Variants in RB1CC1 observed in about 807,000 individuals in gnomAD.
RB1CC1 encodes the protein RB1 inducible coiled-coil 1, also known as RB1-inducible coiled-coil protein 1.
In RB1CC1, 46 loss-of-function variants were observed where a neutral mutation model predicts 177.5. The ratio of observed to expected loss-of-function variants is 0.26; its 90% CI spans 0.20 to 0.33. The LOEUF (loss-of-function observed/expected upper bound fraction) is 0.33, where lower values mean the gene tolerates loss of function less well. Among genes scored for constraint, RB1CC1 ranks in the 10% least tolerant of loss-of-function variants. The pLI, the probability that RB1CC1 is intolerant of heterozygous loss-of-function variation, is 1.00. For synonymous variants in RB1CC1, 666 were observed against 613.6 expected (o/e 1.09, Z -1.26); for missense variants, 1,703 against 1,816.3 (o/e 0.94, Z 1.13).
chr8:52,700,253 A>G (rs1855926744), intron 1 of RB1CC1, among the ~76,000 whole-genome samples: 1 of 152,152 alleles, frequency 6.6e-6, no homozygotes. Flanking sequence ...GAAAATCAGC[A>G]ACATGCTGGG....
At chr8:52,701,650 C>T (rs538466377) in intron 1 of RB1CC1, among the ~76,000 whole-genome samples, 2 of 152,222 alleles carry the variant, frequency 1.3e-5, no homozygotes, top group African/African-American at 4.8e-5. Flanking sequence ...ACCTTGGCTT[C>T]TCCAAGTGCT....
At chr8:52,658,999 T>A in intron 12 of RB1CC1, 23 bp from the exon 13 acceptor site, 1 of 1,403,464 alleles carries the variant, frequency 7.1e-7, no homozygotes. Context: ...AATTAATTAC[T>A]TAAAAAATTT....
chr8:52,626,023 T>C (rs907266617), intron 22 of RB1CC1, among the ~76,000 whole-genome samples: 15 of 152,228 alleles, frequency 9.9e-5, no homozygotes, highest in East Asian at 5.8e-4. Context: ...CCCTGGACAA[T>C]AGGATGTGGT....
Position 52,695,946 on chromosome 8 carries a change from G to A in RB1CC1, c.-166-8979C>T, listed in dbSNP as rs916858263. 1.3e-4 allele frequency among the ~76,000 whole-genome samples: 20 copies of A among 152,220 alleles called. 1 individual carries two copies. Among genetic ancestry groups the A allele is most frequent in the African/African-American group, 3.1e-4 (13 of 41,440 alleles). On this transcript the variant is annotated intron_variant, in intron 1 of 23. Transcript: ENST00000025008. ...GGTTTGAAGTGAGGGTGGGTTCTGG[G>A]CACCGCCAAACTTGCCACTAGTACC...
At chr8:52,708,498 C>G (rs1245930645) in intron 1 of RB1CC1, among the ~76,000 whole-genome samples, 1 of 152,036 alleles carries the variant, frequency 6.6e-6, no homozygotes. Flanking sequence ...GCCTGGGCAA[C>G]AGAGCGAGAC....
chr8:52,702,409 T>G (rs1294806919), intron 1 of RB1CC1, among the ~76,000 whole-genome samples: 2 of 152,162 alleles, frequency 1.3e-5, no homozygotes, highest in African/African-American at 4.8e-5. Context: ...GGCTTTATTA[T>G]CAGGGAAAGA....
At chr8:52,628,871 T>C (rs1485705108) in intron 21 of RB1CC1, among the ~76,000 whole-genome samples, 2 of 152,182 alleles carry the variant, frequency 1.3e-5, no homozygotes, top group Non-Finnish European at 2.9e-5. Context: ...TAATAAATCA[T>C]CAAAATCAGC....
At chr8:52,693,743 T>C (rs1349546923) in intron 1 of RB1CC1, among the ~76,000 whole-genome samples, 1 of 150,906 alleles carries the variant, frequency 6.6e-6, no homozygotes, top group Non-Finnish European at 1.5e-5. Flanking sequence ...CACACGGGGG[T>C]AGGATGGGGA....
chr8:52,708,565 A>G (rs1295448489), intron 1 of RB1CC1, among the ~76,000 whole-genome samples: 6 of 152,102 alleles, frequency 3.9e-5, no homozygotes, highest in Non-Finnish European at 7.4e-5. Flanking sequence ...TTGTCCTATT[A>G]CCACTTCTGG....
intron 18 of RB1CC1, among the ~76,000 whole-genome samples, chr8:52,639,811 G>C (rs1006256469): frequency 1.3e-5 from 2 of 152,064 alleles, no homozygotes; most frequent in African/African-American, 4.8e-5. Flanking sequence ...ATACTCCACT[G>C]GGTCATGATG....
Position 52,642,961 on chromosome 8 carries a change from G to A in RB1CC1, c.3988-149C>T, listed in dbSNP as rs1007333457. On this transcript the variant is annotated intron_variant, in intron 16 of 23. Transcript: ENST00000025008. ...CATGAAATGTTTTAAAAATGAAAAT[G>A]TAACATACTGTGGCAAAGGTTCTAC... The A allele has an allele frequency of 5.6e-6, 5 of 897,320 alleles. No homozygotes were observed. The African/African-American group carries it at 7.0e-5, about 13-fold the overall frequency. The allele number at this position is 897,320 out of a possible 1,614,324, so 55.6% of individuals were successfully genotyped here. A position where few individuals can be genotyped will look rare whatever the true frequency, so the allele number is the denominator to read the frequency against.
intron 1 of RB1CC1, among the ~76,000 whole-genome samples, chr8:52,691,983 A>G (rs1032239387): frequency 3.9e-5 from 6 of 152,264 alleles, no homozygotes; most frequent in Admixed American, 6.5e-5. Context: ...GTAGCTTTAC[A>G]TGCATGACTT....
rs146718853 is a variant in RB1CC1, at chr8:52,682,360, T to C, written c.369+1189A>G. ...ACTGTTAAGTCCAATTAAACCTCTT[T>C]TTCGTCCCAGGCTCGGGTTATGTCT... is the stretch of plus-strand genomic sequence containing the variant. On this transcript the variant is annotated intron_variant, in intron 5 of 23. Transcript: ENST00000025008. Among the ~76,000 whole-genome samples the C allele has an allele frequency of 3.5e-3, 533 of 152,226 alleles. 2 individuals carry two copies. Among genetic ancestry groups the C allele is most frequent in the African/African-American group, 0.012 (511 of 41,546 alleles).
intron 8 of RB1CC1, among the ~76,000 whole-genome samples, chr8:52,662,862 C>A (rs1038235705): frequency 6.6e-6 from 1 of 151,708 alleles, no homozygotes; most frequent in African/African-American, 2.4e-5. Flanking sequence ...TATTAAAAAA[C>A]AATTTGCTAC....
chr8:52,629,381 A>C (rs1167238987), intron 21 of RB1CC1, among the ~76,000 whole-genome samples: 1 of 152,244 alleles, frequency 6.6e-6, no homozygotes, highest in South Asian at 2.1e-4. Flanking sequence ...AAAAATTTTA[A>C]CTATGGGGTA....
chr8:52,646,297 TAAAC>T (rs149733207), intron 15 of RB1CC1, among the ~76,000 whole-genome samples: 4,455 of 151,842 alleles, frequency 0.029, 242 homozygotes, highest in African/African-American at 0.1. Flanking sequence ...CCCCGTCTCT[TAAAC>T]AAACAAACAA....
chr8:52,632,085 G>C (rs1848806221), intron 20 of RB1CC1, among the ~76,000 whole-genome samples: 1 of 152,096 alleles, frequency 6.6e-6, no homozygotes, highest in Admixed American at 6.6e-5. Flanking sequence ...CAATCAAATG[G>C]TACTTGCTAG....
intron 8 of RB1CC1, among the ~76,000 whole-genome samples, chr8:52,663,983 G>A (rs1295547408): frequency 6.6e-6 from 1 of 152,142 alleles, no homozygotes; most frequent in East Asian, 1.9e-4. Flanking sequence ...TGTGGTACAG[G>A]ATAAGTACAG....
chr8:52,674,054 C>T lies in RB1CC1; in HGVS notation c.793G>A (p.Val265Met). ...LTSFPKSVEH[V>M]SPDTADAESG... is the part of the protein sequence containing the mutation. ...TCAGCATCTGCGGTATCTGGGGACA[C>T]ATGTTCCACTGACTTGGGAAATGAG... The change falls in exon 7 of 24, where the codon GTG becomes ATG. Residue 265 changes from valine (V) to methionine (M), a missense_variant. Coordinates refer to ENST00000025008, the MANE Select transcript of RB1CC1 (RefSeq NM_014781.5). 6.2e-7 allele frequency: 1 copy of T among 1,614,144 alleles called. No homozygotes were observed. Among genetic ancestry groups the T allele is most frequent in the South Asian group, 1.1e-5 (1 of 91,088 alleles).
Sources: allele counts gnomAD v4.1 joint callset (sites outside exome capture counted in the v4.1 genomes callset), GRCh38; gene constraint gnomAD v4.1.1; transcripts MANE v1.5; gene names NCBI Gene and HGNC (gene_info 2026-07-23, HGNC 2026-07-21).